The following FRYL variants were observed in gnomAD, a reference collection of about 807,000 sequenced individuals.
FRYL encodes the protein FRY like transcription coactivator, also known as protein furry homolog-like.
A neutral mutation model predicts 351.2 loss-of-function variants in FRYL; 150 were observed. The observed-to-expected ratio is 0.43, with a 90% CI of 0.37 to 0.49. FRYL has a LOEUF of 0.49. Among genes scored for constraint, FRYL ranks in the 20% least tolerant of loss-of-function variants. FRYL has a pLI of 0.00. For missense variants in FRYL, 3,036 were observed against 3,619.3 expected, an observed-to-expected ratio of 0.84 and a Z score of 4.13; for synonymous variants, 1,153 against 1,257.1, an observed-to-expected ratio of 0.92 and a Z score of 1.75.
At chr4:48,653,913 G>A in intron 3 of FRYL, 2 of 1,242,826 alleles carry the variant, frequency 1.6e-6, no homozygotes, top group South Asian at 1.4e-5. Flanking sequence ...AGGCAGCAGA[G>A]TTTTGGCCCA....
At chr4:48,544,038 T>C in intron 43 of FRYL, 41 bp from the exon 44 acceptor site, 2 of 1,544,446 alleles carry the variant, frequency 1.3e-6, no homozygotes, top group Non-Finnish European at 1.8e-6. Context: ...TCTTGTTCTT[T>C]AGAATACTAA....
At chr4:48,664,488 A>G (rs540049225) in intron 3 of FRYL, among the ~76,000 whole-genome samples, 8 of 152,338 alleles carry the variant, frequency 5.3e-5, no homozygotes, top group African/African-American at 1.9e-4. Flanking sequence ...GGAAAAACAT[A>G]AGTAAAGTTA....
chr4:48,749,160 T>G (rs576051303), intron 1 of FRYL, among the ~76,000 whole-genome samples: 3 of 152,182 alleles, frequency 2.0e-5, no homozygotes, highest in Non-Finnish European at 4.4e-5. Flanking sequence ...GGGAACCCAC[T>G]GCAGGGCGGA....
At chr4:48,652,022 C>A (rs1374556628) in intron 3 of FRYL, among the ~76,000 whole-genome samples, 1 of 152,218 alleles carries the variant, frequency 6.6e-6, no homozygotes, top group African/African-American at 2.4e-5. Flanking sequence ...CCCAGACTGA[C>A]TGAATCACTA....
rs377263283 is a variant in FRYL, at chr4:48,549,498, A to G, written c.4759T>C (p.Ser1587Pro). Residue 1587 changes from serine (S) to proline (P), a missense_variant, in exon 39 of 64, where the codon TCA becomes CCA. Physicochemically the swap from Ser to Pro is moderately conservative, Grantham distance 74. Transcript: ENST00000358350. This position sits in a 1 kb window ranked among gnomAD's most constrained non-coding sequence, Gnocchi z 4.2. ...CTGTGAAGAGGTAATCCAGGTGATG[A>G]CGTTTCAGGCACGTAATCCACCAGT... is the stretch of plus-strand genomic sequence containing the variant. ...SPLVDYVPET[S>P]SPGLPLHRCN... 1.9e-5 allele frequency: 30 copies of G among 1,612,552 alleles called. No individual in the cohort carries two copies. Among genetic ancestry groups the G allele is most frequent in the Non-Finnish European group, 2.5e-5 (30 of 1,179,260 alleles).
chr4:48,616,321 A>C (rs1174217721), intron 7 of FRYL, among the ~76,000 whole-genome samples: 1 of 152,218 alleles, frequency 6.6e-6, no homozygotes. Context: ...GAGTAAAATC[A>C]ATGAATTTGC....
At chr4:48,510,704 C>T in intron 58 of FRYL, 131 bp downstream of exon 58, 1 of 739,608 alleles carries the variant, frequency 1.4e-6, no homozygotes, top group Non-Finnish European at 2.3e-6. Flanking sequence ...TGTAGTTTGC[C>T]ACATATTTAT....
chr4:48,748,784 T>C (rs1272974420), intron 1 of FRYL, among the ~76,000 whole-genome samples: 1 of 152,154 alleles, frequency 6.6e-6, no homozygotes, highest in Admixed American at 6.5e-5. Flanking sequence ...GATATTATAG[T>C]AAGTAGATTG....
chr4:48,636,380 A>C (rs1484551002), intron 3 of FRYL, among the ~76,000 whole-genome samples: 1 of 152,138 alleles, frequency 6.6e-6, no homozygotes, highest in Non-Finnish European at 1.5e-5. Flanking sequence ...CATAACAGTT[A>C]TAAAGTTTCT....
rs550884477 is a variant in FRYL, at chr4:48,746,997, C to G, written c.-384+33081G>C. Among the ~76,000 whole-genome samples the G allele has an allele frequency of 5.9e-5, 9 of 152,298 alleles. No individual in the cohort carries two copies. In the South Asian group the frequency reaches 8.3e-4, roughly 14 times the overall value. On this transcript the variant is annotated intron_variant, in intron 1 of 63. Coordinates refer to ENST00000358350, the MANE Select transcript of FRYL (RefSeq NM_015030.2). Reference sequence around the variant, plus strand: ...AAATGATTGTGTCTTTTAAAAACGACTGTTTTAGGGTAGTTTTTCACAAAG... The same window carrying G: ...AAATGATTGTGTCTTTTAAAAACGAGTGTTTTAGGGTAGTTTTTCACAAAG...
rs1736943472 is a variant in FRYL at position 48,567,006 on chromosome 4, TC to T, written c.3169+241del. Among the ~76,000 whole-genome samples the T allele has an allele frequency of 6.6e-6, 1 of 152,200 alleles. No individual in the cohort carries two copies. The highest frequency in any genetic ancestry group is 1.5e-5 in the Non-Finnish European group (1 of 68,020). Reference sequence around the variant, plus strand: ...CTAAAGAGCTTATTCTATTGATTTCTCCAGGTTTTTGTGTCAGTATCCTGAT... The same window carrying T: ...CTAAAGAGCTTATTCTATTGATTTCTCAGGTTTTTGTGTCAGTATCCTGAT... On this transcript the variant is annotated intron_variant, in intron 28 of 63. Transcript: ENST00000358350. The surrounding 1 kb of genome is among the most constrained non-coding windows in gnomAD (Gnocchi z 4.2).
chr4:48,746,288 T>C (rs4235158), intron 1 of FRYL, among the ~76,000 whole-genome samples: 149,201 of 152,140 alleles, frequency 0.98, 73,217 homozygotes, highest in East Asian at 1. Flanking sequence ...GGTCTGCAGC[T>C]GGGCACGGTG....
chr4:48,519,640 C>T lies in FRYL; in HGVS notation c.7689+1408G>A, dbSNP rs139274774. Among the ~76,000 whole-genome samples, 487 of 151,988 alleles carry T rather than the reference C, an allele frequency of 3.2e-3. 6 individuals carry two copies. Among genetic ancestry groups the T allele is most frequent in the African/African-American group, 0.012 (477 of 41,450 alleles). The stretch of plus-strand genomic sequence containing the variant: ...GCCTCAGCCTCCCGAGTAGATGGGA[C>T]TACAGGTGCATGCCACCAGGCCCAG... On this transcript the variant is annotated intron_variant, in intron 55 of 63. Coordinates refer to ENST00000358350, the MANE Select transcript of FRYL (RefSeq NM_015030.2).
rs571274584 is a variant in FRYL at position 48,613,150 on chromosome 4, T to C, written c.412-3327A>G. ...TGTTGTTTGTTTCATATACACCTTA[T>C]ACACATAGCTTGAAGGTAATTTTAT... is the stretch of plus-strand genomic sequence containing the variant. On this transcript the variant is annotated intron_variant, in intron 7 of 63. Transcript: ENST00000358350. Among the ~76,000 whole-genome samples, 4 of 152,356 alleles carry C rather than the reference T, an allele frequency of 2.6e-5. No individual in the cohort carries two copies. The East Asian group carries it at 5.8e-4, about 22-fold the overall frequency.
In FRYL at chr4:48,779,677, G is replaced by C. The variant is rs554077709; in HGVS notation, c.-384+401C>G. The stretch of plus-strand genomic sequence containing the variant: ...GGGGCGGCTCCCGCGAGTCGGTGGC[G>C]AGGCGGCGCGCGACCAGAGCAGGAC... On this transcript the variant is annotated intron_variant, in intron 1 of 63. Coordinates refer to ENST00000358350, the MANE Select transcript of FRYL (RefSeq NM_015030.2). 2.3e-4 allele frequency among the ~76,000 whole-genome samples: 35 copies of C among 152,096 alleles called. No individual in the cohort carries two copies. The East Asian group carries it at 6.4e-3, about 28-fold the overall frequency.
At chr4:48,670,554 G>C (rs944070597) in intron 3 of FRYL, among the ~76,000 whole-genome samples, 1 of 150,304 alleles carries the variant, frequency 6.7e-6, no homozygotes, top group African/African-American at 2.5e-5. Flanking sequence ...TACTATTTTT[G>C]TAACTATTGA....
At chr4:48,595,842 G>GT (rs1038643496) in intron 14 of FRYL, 55 bp downstream of exon 14, 12 of 1,257,256 alleles carry the variant, frequency 9.5e-6, no homozygotes, top group African/African-American at 7.6e-5. Flanking sequence ...CCAATAGTGT[G>GT]TTTTTTTAAA....
At chr4:48,728,616 A>G (rs1304918066) in intron 1 of FRYL, among the ~76,000 whole-genome samples, 1 of 152,238 alleles carries the variant, frequency 6.6e-6, no homozygotes, top group Non-Finnish European at 1.5e-5. Flanking sequence ...ATACGCAACT[A>G]CAGAAAATCT....
At chr4:48,665,631 GTA>G (rs1232379088) in intron 3 of FRYL, among the ~76,000 whole-genome samples, 1 of 152,158 alleles carries the variant, frequency 6.6e-6, no homozygotes, top group Non-Finnish European at 1.5e-5. Context: ...GAAGAAAGGG[GTA>G]TCTGCCATCA....
Sources: allele counts gnomAD v4.1 joint callset (sites outside exome capture counted in the v4.1 genomes callset), GRCh38; gene constraint gnomAD v4.1.1; non-coding constraint Gnocchi (gnomAD v3.1); transcripts MANE v1.5; gene names NCBI Gene and HGNC (gene_info 2026-07-23, HGNC 2026-07-21).